Variants in DKK2 observed in about 807,000 individuals in gnomAD.
DKK2 encodes dickkopf Wnt signaling pathway inhibitor 2, also known as dickkopf-related protein 2.
DKK2 carries 11 observed loss-of-function variants against 28.1 expected under a neutral mutation model. That is an observed-to-expected ratio of 0.39 (90% CI 0.25 to 0.65). The LOEUF is 0.65. Among genes scored for constraint, DKK2 ranks in the 30% least tolerant of loss-of-function variants. The pLI is 0.47. For missense variants in DKK2, 326 were observed against 335.5 expected (o/e 0.97, Z 0.22); for synonymous variants, 135 against 126.5 (o/e 1.07, Z -0.45).
intron 1 of DKK2, among the ~76,000 whole-genome samples, chr4:106,958,648 C>T (rs1292464499): frequency 6.6e-6 from 1 of 151,718 alleles, no homozygotes; most frequent in African/African-American, 2.4e-5. Context: ...TCAGTCTGGC[C>T]AACATGGTGA....
chr4:106,973,334 C>A (rs1366843538), intron 1 of DKK2, among the ~76,000 whole-genome samples: 3 of 152,186 alleles, frequency 2.0e-5, no homozygotes, highest in Non-Finnish European at 1.5e-5. Flanking sequence ...AATGGTTGAA[C>A]TAATTAACAC....
rs1021134287 is a variant in DKK2 at position 106,942,707 on chromosome 4, A to G, written c.223-16758T>C. ...CAAAACAAATTAAATTTATTAACCAACTGGCTAATAGAGCTTTTATACAAC... is the reference window on the plus strand; with the variant it reads ...CAAAACAAATTAAATTTATTAACCAGCTGGCTAATAGAGCTTTTATACAAC... On this transcript the variant is annotated intron_variant, in intron 1 of 3. Coordinates refer to ENST00000285311, the MANE Select transcript of DKK2 (RefSeq NM_014421.3). 5.9e-5 allele frequency among the ~76,000 whole-genome samples: 9 copies of G among 152,214 alleles called. 1 individual carries two copies. Among genetic ancestry groups the G allele is most frequent in the Admixed American group, 5.9e-4 (9 of 15,262 alleles).
At chr4:106,975,743 G>C (rs988203920) in intron 1 of DKK2, among the ~76,000 whole-genome samples, 2 of 152,002 alleles carry the variant, frequency 1.3e-5, no homozygotes, top group Non-Finnish European at 2.9e-5. Flanking sequence ...ATCTCCTTCA[G>C]TTCCACTCGA....
At chr4:107,004,923 G>T (rs944604758) in intron 1 of DKK2, among the ~76,000 whole-genome samples, 2 of 152,146 alleles carry the variant, frequency 1.3e-5, no homozygotes, top group African/African-American at 4.8e-5. Context: ...AAACCCAGGA[G>T]CTGAGGGATG....
chr4:107,017,371 G>A (rs1723625656), intron 1 of DKK2, among the ~76,000 whole-genome samples: 1 of 151,982 alleles, frequency 6.6e-6, no homozygotes, highest in African/African-American at 2.4e-5. Flanking sequence ...TAAAGGCAGA[G>A]CCCATTGATT....
At chr4:106,963,453 A>G (rs371558926) in intron 1 of DKK2, among the ~76,000 whole-genome samples, 3 of 152,160 alleles carry the variant, frequency 2.0e-5, no homozygotes, top group African/African-American at 7.2e-5. Context: ...ACTAATCATC[A>G]GAGAAATGCA....
chr4:106,950,808 T>A (rs1724847365), intron 1 of DKK2, among the ~76,000 whole-genome samples: 1 of 152,176 alleles, frequency 6.6e-6, no homozygotes, highest in Non-Finnish European at 1.5e-5. Context: ...ACATAATCCA[T>A]AAGTGTACAC....
chr4:107,003,409 G>A (rs1723390827), intron 1 of DKK2, among the ~76,000 whole-genome samples: 1 of 152,148 alleles, frequency 6.6e-6, no homozygotes. Context: ...TTGTGCTCAC[G>A]CTCTACTTCT....
At chr4:106,997,894 T>G (rs1382870270) in intron 1 of DKK2, among the ~76,000 whole-genome samples, 1 of 152,238 alleles carries the variant, frequency 6.6e-6, no homozygotes. Context: ...GTACCTATTT[T>G]GTGAAAATGG....
chr4:107,021,027 T>C (rs935714238), intron 1 of DKK2, among the ~76,000 whole-genome samples: 1 of 152,070 alleles, frequency 6.6e-6, no homozygotes, highest in Non-Finnish European at 1.5e-5. Context: ...GACCAGATTA[T>C]AAAATAATAT....
At chr4:106,951,284 A>C (rs532311279) in intron 1 of DKK2, among the ~76,000 whole-genome samples, 1 of 152,102 alleles carries the variant, frequency 6.6e-6, no homozygotes, top group African/African-American at 2.4e-5. Flanking sequence ...TTCTCAAAAA[A>C]CAACAACAAC....
At chr4:106,995,208 A>G (rs144054598) in intron 1 of DKK2, among the ~76,000 whole-genome samples, 210 of 152,242 alleles carry the variant, frequency 1.4e-3, no homozygotes, top group African/African-American at 4.8e-3. Flanking sequence ...CAGAATTTGA[A>G]TCTATAGAAT....
intron 1 of DKK2, among the ~76,000 whole-genome samples, chr4:107,011,361 C>T (rs183443591): frequency 1.3e-5 from 2 of 151,556 alleles, no homozygotes; most frequent in East Asian, 3.9e-4. Context: ...ATCATGGCAA[C>T]AAATATTATG....
chr4:106,950,566 A>G (rs1202845649), intron 1 of DKK2, among the ~76,000 whole-genome samples: 1 of 151,928 alleles, frequency 6.6e-6, no homozygotes, highest in Non-Finnish European at 1.5e-5. Context: ...TAGTGCTTCT[A>G]GGTTCTTTCT....
intron 1 of DKK2, among the ~76,000 whole-genome samples, chr4:107,001,232 C>T (rs1361545850): frequency 1.3e-5 from 2 of 152,090 alleles, no homozygotes; most frequent in Non-Finnish European, 2.9e-5. Context: ...CCATCAGAAG[C>T]TAGGAAGAGG....
chr4:106,951,083 A>G (rs1280775836), intron 1 of DKK2, among the ~76,000 whole-genome samples: 1 of 152,072 alleles, frequency 6.6e-6, no homozygotes, highest in Non-Finnish European at 1.5e-5. Context: ...TTTTATTGAC[A>G]CACTTTTTTC....
At chr4:107,005,976 A>G (rs1330169317) in intron 1 of DKK2, among the ~76,000 whole-genome samples, 1 of 152,184 alleles carries the variant, frequency 6.6e-6, no homozygotes, top group Non-Finnish European at 1.5e-5. Flanking sequence ...GTTTTAAAAC[A>G]GCTTATCTCT....
At chr4:106,965,663 T>C (rs1722767949) in intron 1 of DKK2, among the ~76,000 whole-genome samples, 1 of 151,256 alleles carries the variant, frequency 6.6e-6, no homozygotes, top group Non-Finnish European at 1.5e-5. Context: ...GTTACATATG[T>C]ATACATGTGC....
chr4:106,949,598 T>A (rs1724828627), intron 1 of DKK2, among the ~76,000 whole-genome samples: 2 of 152,216 alleles, frequency 1.3e-5, no homozygotes, highest in Admixed American at 6.5e-5. Context: ...AAGTCCTGAC[T>A]CTACCATCAA....
Sources: gnomAD v4.1 joint callset for allele counts (sites outside exome capture counted in the v4.1 genomes callset) on GRCh38, gnomAD v4.1.1 for gene constraint, MANE v1.5 for transcripts, NCBI Gene and HGNC (gene_info 2026-07-23, HGNC 2026-07-21) for gene names.